The following PON3 variants were observed in gnomAD, a reference collection of about 807,000 sequenced individuals.
The protein encoded by PON3 is serum paraoxonase/lactonase 3.
Under a neutral mutation model 36.3 loss-of-function variants are expected in PON3, and 37 were observed. That is an observed-to-expected ratio of 1.02 (90% CI 0.78 to 1.34). The LOEUF (loss-of-function observed/expected upper bound fraction) is 1.34. Among genes scored for constraint, PON3 ranks in the 40% most tolerant of loss-of-function variants. PON3 has a pLI of 0.00. For missense variants in PON3, 415 were observed against 426.5 expected (o/e 0.97, Z 0.24); for synonymous variants, 155 against 154.8 (o/e 1.00, Z -0.01).
At position 95,396,108 on chromosome 7, in the gene PON3, C is replaced by A. The variant is rs1809425460; in HGVS notation, c.74+169G>T. 8 of 736,860 alleles carry A rather than the reference C, an allele frequency of 1.1e-5. No individual in the cohort carries two copies. The South Asian group carries it at 1.2e-4, about 11-fold the overall frequency. The allele number at this position is 736,860 out of a possible 1,614,324, so 45.6% of individuals were successfully genotyped here. On this transcript the variant is annotated intron_variant, in intron 1 of 8. Transcript: ENST00000265627. Reference sequence around the variant, plus strand: ...AGTCTTTGGAAACGCAAGTAGCTCACTTTCCCCATAAGCGAGTCTCAAGGG... The same window carrying A: ...AGTCTTTGGAAACGCAAGTAGCTCAATTTCCCCATAAGCGAGTCTCAAGGG...
At position 95,372,174 on chromosome 7, in the gene PON3, T is replaced by G; in HGVS notation, c.366A>C (p.Lys122Asn). 1 of 1,613,134 alleles carries G rather than the reference T, an allele frequency of 6.2e-7. No homozygotes were observed. Among genetic ancestry groups the G allele is most frequent in the Non-Finnish European group, 8.5e-7 (1 of 1,179,180 alleles). Residue 122 changes from lysine (K) to asparagine (N), a missense_variant and splice_region_variant, in exon 4 of 9, where the codon AAA becomes AAC. By Grantham distance (94) the Lys-to-Asn change is moderately conservative. Coordinates refer to ENST00000265627, the MANE Select transcript of PON3 (RefSeq NM_000940.3). ...TATCCCTAAACATACAGGTTTTACC[T>G]TTGTCGATGAAAATACTGATCCCAT... Reference protein sequence around the residue: ...NPHGISIFIDKDNTVYLYVVN... With the variant: ...NPHGISIFIDNDNTVYLYVVN...
chr7:95,391,278 T>C (rs990426821), intron 2 of PON3, among the ~76,000 whole-genome samples: 17 of 152,202 alleles, frequency 1.1e-4, no homozygotes, highest in East Asian at 5.8e-4. Flanking sequence ...TGGGAAGCTA[T>C]AGAATGGAAA....
At chr7:95,366,207 T>C (rs17166859) in intron 5 of PON3, among the ~76,000 whole-genome samples, 38,888 of 152,072 alleles carry the variant, frequency 0.26, 5,400 homozygotes, top group South Asian at 0.36. Context: ...TGAGATCCTA[T>C]GCTAAAGCAG....
At chr7:95,386,979 C>T (rs200985441) in intron 3 of PON3, among the ~76,000 whole-genome samples, 45 of 152,194 alleles carry the variant, frequency 3.0e-4, no homozygotes, top group Middle Eastern at 6.8e-3. Context: ...ATTGATAGAA[C>T]GTATCTCAAA....
intron 5 of PON3, 152 bp downstream of exon 5, chr7:95,367,210 G>T: frequency 1.1e-6 from 1 of 920,186 alleles, no homozygotes; most frequent in Non-Finnish European, 1.6e-6. Context: ...GAGGCGCTGG[G>T]AAGAGTCACC....
chr7:95,381,554 T>C (rs1809054869), intron 3 of PON3, among the ~76,000 whole-genome samples: 1 of 152,184 alleles, frequency 6.6e-6, no homozygotes, highest in African/African-American at 2.4e-5. Flanking sequence ...GTTGCAATCC[T>C]AGTCTCTGAT....
At chr7:95,361,015 T>C (rs994200990) in intron 8 of PON3, among the ~76,000 whole-genome samples, 3 of 152,080 alleles carry the variant, frequency 2.0e-5, no homozygotes, top group East Asian at 1.9e-4. Flanking sequence ...AACTTGAAAA[T>C]AGAGATACGA....
chr7:95,396,352 G>A lies in PON3; in HGVS notation c.-2C>T, dbSNP rs1262162560. 6.2e-7 allele frequency: 1 copy of A among 1,613,752 alleles called. No individual in the cohort carries two copies. Among genetic ancestry groups the A allele is most frequent in the Non-Finnish European group, 8.5e-7 (1 of 1,179,898 alleles). The stretch of plus-strand genomic sequence containing the variant: ...GACCAGCGCCACGAGCTTCCCCATG[G>A]TCTCGGGGTGCCCAGCGGCGACTGC... On this transcript the variant is annotated 5_prime_UTR_variant, in exon 1 of 9. Transcript: ENST00000265627.
intron 2 of PON3, among the ~76,000 whole-genome samples, chr7:95,392,519 A>G (rs1809340741): frequency 4.6e-5 from 7 of 152,192 alleles, no homozygotes. Flanking sequence ...CTACACCACA[A>G]AACAGTAAAC....
chr7:95,377,881 A>G (rs1000308314), intron 3 of PON3, among the ~76,000 whole-genome samples: 1 of 152,222 alleles, frequency 6.6e-6, no homozygotes, highest in Non-Finnish European at 1.5e-5. Context: ...TTGCCAGCAA[A>G]GAAACAAAAC....
intron 3 of PON3, among the ~76,000 whole-genome samples, chr7:95,387,792 C>T (rs1048431350): frequency 6.6e-6 from 1 of 152,110 alleles, no homozygotes. Context: ...GATATATAGA[C>T]CTATGGAACA....
intron 3 of PON3, among the ~76,000 whole-genome samples, chr7:95,375,705 T>C (rs1808901404): frequency 1.3e-5 from 2 of 152,210 alleles, no homozygotes; most frequent in African/African-American, 4.8e-5. Flanking sequence ...TTGGTCTAGA[T>C]TAAGTGTGAT....
At chr7:95,368,528 G>T (rs991246529) in intron 4 of PON3, among the ~76,000 whole-genome samples, 9 of 152,148 alleles carry the variant, frequency 5.9e-5, no homozygotes, top group Non-Finnish European at 1.2e-4. Flanking sequence ...ACACAATAGT[G>T]AACAATCACT....
At chr7:95,381,329 C>G (rs113378885) in intron 3 of PON3, among the ~76,000 whole-genome samples, 75 of 152,272 alleles carry the variant, frequency 4.9e-4, no homozygotes, top group African/African-American at 1.7e-3. Flanking sequence ...ATCATAATGA[C>G]AGGATCAAAT....
intron 3 of PON3, among the ~76,000 whole-genome samples, chr7:95,374,157 C>G (rs1343822717): frequency 6.6e-6 from 1 of 152,150 alleles, no homozygotes; most frequent in Non-Finnish European, 1.5e-5. Context: ...GCCCAAAATG[C>G]TGGGACCACT....
In PON3 at chr7:95,392,405, C is replaced by T. The variant is rs536452343; in HGVS notation, c.146-2196G>A. Among the ~76,000 whole-genome samples, 7 of 152,236 alleles carry T rather than the reference C, an allele frequency of 4.6e-5. No individual in the cohort carries two copies. In the South Asian group the frequency reaches 6.2e-4, roughly 14 times the overall value. ...TCAAATCTAGTTGAGTGATACAATT[C>T]GAGTCAGACTAGACCCTACCAATCA... is the stretch of plus-strand genomic sequence containing the variant. On this transcript the variant is annotated intron_variant, in intron 2 of 8. Coordinates refer to ENST00000265627, the MANE Select transcript of PON3 (RefSeq NM_000940.3).
At chr7:95,388,831 T>C (rs1157475913) in intron 3 of PON3, among the ~76,000 whole-genome samples, 3 of 151,902 alleles carry the variant, frequency 2.0e-5, no homozygotes, top group Admixed American at 2.0e-4. Flanking sequence ...CAGCAAACTA[T>C]CACAAGGACA....
At chr7:95,366,855 G>A (rs1200821380) in intron 5 of PON3, among the ~76,000 whole-genome samples, 1 of 152,200 alleles carries the variant, frequency 6.6e-6, no homozygotes, top group Non-Finnish European at 1.5e-5. Context: ...TAAGTATTCT[G>A]GCATAGTGCC....
intron 5 of PON3, 29 bp downstream of exon 5, chr7:95,367,333 T>C (rs769979061): frequency 3.7e-6 from 6 of 1,607,790 alleles, no homozygotes; most frequent in East Asian, 4.5e-5. Context: ...GCAAAGTAAA[T>C]AGAACCGCAC....
Sources: allele counts gnomAD v4.1 joint callset (sites outside exome capture counted in the v4.1 genomes callset), GRCh38; gene constraint gnomAD v4.1.1; transcripts MANE v1.5; gene names NCBI Gene and HGNC (gene_info 2026-07-23, HGNC 2026-07-21).